Variants in ANK3 observed in about 807,000 individuals in gnomAD.
The protein encoded by ANK3 is ankyrin-3.
ANK3 carries 57 observed loss-of-function variants against 370.9 expected under a neutral mutation model. The observed-to-expected ratio is 0.15, with a 90% CI of 0.12 to 0.19. ANK3 has a LOEUF of 0.19. Among genes scored for constraint, ANK3 ranks in the 10% least tolerant of loss-of-function variants. ANK3 has a pLI of 1.00. For synonymous variants in ANK3, 1,929 were observed against 1,946.3 expected (o/e 0.99, Z 0.23); for missense variants, 4,439 against 5,302.1 (o/e 0.84, Z 5.06).
chr10:60,392,609 C>T (rs769979525), upstream of ANK3, among the ~76,000 whole-genome samples: 23 of 152,190 alleles, frequency 1.5e-4, no homozygotes, highest in Admixed American at 3.3e-4. Flanking sequence ...GGGCGTGGCC[C>T]ATGCACGGAA....
intron 8 of ANK3, 33 bp from the exon 9 acceptor site, chr10:60,213,543 T>G: frequency 6.8e-7 from 1 of 1,471,900 alleles, no homozygotes; most frequent in South Asian, 1.2e-5. Flanking sequence ...CCAATTAAAT[T>G]TGACAATAAA....
chr10:60,403,007 A>G (rs1003790521), intron 2 of ANK3, among the ~76,000 whole-genome samples: 9 of 152,218 alleles, frequency 5.9e-5, no homozygotes, highest in Non-Finnish European at 8.8e-5. Context: ...TGGGCATAAA[A>G]GAGGGACTAT....
chr10:60,624,327 T>C (rs1490104319), intron 1 of ANK3, among the ~76,000 whole-genome samples: 1 of 152,112 alleles, frequency 6.6e-6, no homozygotes, highest in Non-Finnish European at 1.5e-5. Flanking sequence ...TTAAAAAAAC[T>C]CTGCACACCA....
In ANK3 at chr10:60,106,752, A is replaced by G. The variant is rs1268969768; in HGVS notation, c.3174-693T>C. On this transcript the variant is annotated intron_variant, in intron 27 of 43. Coordinates refer to ENST00000280772, the MANE Select transcript of ANK3 (RefSeq NM_020987.5). ...TTTGACAGTGTCCTTTTGCAAAGGA[A>G]TGTAAAAGAATGGCTGCAAATTGAA... Among the ~76,000 whole-genome samples, 10 of 152,322 alleles carry G rather than the reference A, an allele frequency of 6.6e-5. No homozygotes were observed. The East Asian group carries it at 1.9e-3, about 29-fold the overall frequency.
intron 28 of ANK3, among the ~76,000 whole-genome samples, chr10:60,095,829 T>A (rs1369536217): frequency 6.6e-6 from 1 of 152,242 alleles, no homozygotes; most frequent in Non-Finnish European, 1.5e-5. Flanking sequence ...TGAGTTTAAC[T>A]TTCATAAGAA....
chr10:60,116,529 T>C (rs1184889408), intron 25 of ANK3, among the ~76,000 whole-genome samples: 2 of 151,922 alleles, frequency 1.3e-5, no homozygotes, highest in African/African-American at 4.8e-5. Flanking sequence ...AAACTTAAAA[T>C]TATTCATTAA....
chr10:60,279,323 G>A (rs927018968), intron 2 of ANK3, among the ~76,000 whole-genome samples, 175 bp from the exon 3 acceptor site: 1 of 152,166 alleles, frequency 6.6e-6, no homozygotes, highest in African/African-American at 2.4e-5. Flanking sequence ...TGGATGGGTT[G>A]TTCTGTTATC....
intron 28 of ANK3, among the ~76,000 whole-genome samples, chr10:60,091,950 C>T (rs563193135): frequency 1.3e-5 from 2 of 152,160 alleles, no homozygotes; most frequent in South Asian, 2.1e-4. Context: ...AGGATGGTCT[C>T]GATCTCTTGA....
At chr10:60,643,972 C>T (rs971641888) in intron 1 of ANK3, among the ~76,000 whole-genome samples, 2 of 152,160 alleles carry the variant, frequency 1.3e-5, no homozygotes, top group Non-Finnish European at 2.9e-5. Flanking sequence ...CTATCCCCAG[C>T]CCTGTATGCC....
chr10:60,144,259 A>C, intron 23 of ANK3: 1 of 422,932 alleles, frequency 2.4e-6, no homozygotes, highest in East Asian at 7.6e-5. Flanking sequence ...GTCCAAAGGT[A>C]AACCAAAGAG....
At chr10:60,107,581 A>G (rs528204826) in intron 27 of ANK3, among the ~76,000 whole-genome samples, 1 of 152,228 alleles carries the variant, frequency 6.6e-6, no homozygotes, top group Admixed American at 6.5e-5. Flanking sequence ...AAACCAAACG[A>G]AACAATTTTA....
intron 2 of ANK3, among the ~76,000 whole-genome samples, chr10:60,504,791 A>G (rs1310849989): frequency 5.3e-5 from 8 of 152,182 alleles, no homozygotes; most frequent in African/African-American, 1.9e-4. Context: ...TATCAATGCC[A>G]AGAAACAGAG....
At chr10:60,729,949 C>T (rs1348390967) in intron 1 of ANK3, among the ~76,000 whole-genome samples, 1 of 152,144 alleles carries the variant, frequency 6.6e-6, no homozygotes, top group Non-Finnish European at 1.5e-5. Flanking sequence ...CTGATCAACT[C>T]CTGGAAAAAT....
chr10:60,424,363 C>T (rs950233169), intron 2 of ANK3, among the ~76,000 whole-genome samples: 1 of 151,912 alleles, frequency 6.6e-6, no homozygotes, highest in Non-Finnish European at 1.5e-5. Flanking sequence ...AAAAAAATAC[C>T]AATCAAGTCT....
intron 1 of ANK3, among the ~76,000 whole-genome samples, chr10:60,377,827 C>T (rs2061001711): frequency 6.6e-6 from 1 of 152,136 alleles, no homozygotes; most frequent in Non-Finnish European, 1.5e-5. Context: ...TTGATTTCCT[C>T]ATCAGCAAAA....
intron 4 of ANK3, among the ~76,000 whole-genome samples, chr10:60,273,303 C>G (rs1376649010): frequency 6.6e-6 from 1 of 152,146 alleles, no homozygotes. Flanking sequence ...TGAACAGTTA[C>G]ATACTTCCTT....
At chr10:60,195,830 CA>C (rs1452024750) in intron 16 of ANK3, among the ~76,000 whole-genome samples, 1 of 152,176 alleles carries the variant, frequency 6.6e-6, no homozygotes, top group African/African-American at 2.4e-5. Flanking sequence ...ATAATTCTGA[CA>C]AATCAGAACT....
At chr10:60,263,629 C>T (rs1034898602) in intron 6 of ANK3, among the ~76,000 whole-genome samples, 1 of 152,192 alleles carries the variant, frequency 6.6e-6, no homozygotes, top group Non-Finnish European at 1.5e-5. Flanking sequence ...TTTTAGCACG[C>T]ATAGGGCCGC....
chr10:60,478,549 A>G (rs2075129848), intron 2 of ANK3, among the ~76,000 whole-genome samples: 1 of 152,094 alleles, frequency 6.6e-6, no homozygotes, highest in Non-Finnish European at 1.5e-5. Context: ...TCATTAATAT[A>G]AGCCAATTAT....
Sources: gnomAD v4.1 joint callset for allele counts (sites outside exome capture counted in the v4.1 genomes callset) on GRCh38, gnomAD v4.1.1 for gene constraint, MANE v1.5 for transcripts, NCBI Gene and HGNC (gene_info 2026-07-23, HGNC 2026-07-21) for gene names.